CYP4F11: variants seen among roughly 807,000 people sequenced by gnomAD.
CYP4F11 encodes cytochrome P450 family 4 subfamily F member 11.
A neutral mutation model predicts 62.2 loss-of-function variants in CYP4F11; 79 were observed. The observed-to-expected ratio is 1.27, with a 90% CI of 1.06 to 1.53. The LOEUF (loss-of-function observed/expected upper bound fraction) is 1.53, where lower values mean the gene tolerates loss of function less well. CYP4F11 is among the 40% of genes most tolerant of loss of function. The probability of loss-of-function intolerance (pLI) is 0.00; values close to 1 mark genes in which losing one functional copy is unlikely to be tolerated. For missense variants in CYP4F11, 777 were observed against 680.5 expected (o/e 1.14, Z -1.58); for synonymous variants, 290 against 263.7 (o/e 1.10, Z -0.97).
chr19:15,914,408 G>C (rs2089565391), intron 10 of CYP4F11, 21 bp from the exon 11 acceptor site: 4 of 1,610,276 alleles, frequency 2.5e-6, no homozygotes, highest in Non-Finnish European at 3.4e-6. Flanking sequence ...GACCAAGAAG[G>C]CTTGCTGGGT....
intron 10 of CYP4F11, 44 bp downstream of exon 10, chr19:15,914,558 C>G: frequency 6.2e-7 from 1 of 1,609,764 alleles, no homozygotes; most frequent in Non-Finnish European, 8.5e-7. Context: ...CCTCTAGGAA[C>G]CTTGGAATGG....
In CYP4F11 at chr19:15,912,790, A is replaced by AGTGTGTGTG. The variant is rs775427798; in HGVS notation, c.*941_*942insCACACACAC. 5.3e-4 allele frequency: 23 copies of AGTGTGTGTG among 43,404 alleles called. 1 individual carries two copies. Among genetic ancestry groups the AGTGTGTGTG allele is most frequent in the African/African-American group, 9.4e-4 (7 of 7,462 alleles). The allele number at this position is 43,404 out of a possible 1,614,324, so 2.7% of individuals were successfully genotyped here. A position where few individuals can be genotyped will look rare whatever the true frequency, so the allele number is the denominator to read the frequency against. ...GTGTGTGTATATATATATATATATA[A>AGTGTGTGTG]TATATATATATATATACATATCTTA... On this transcript the variant is annotated 3_prime_UTR_variant, in exon 12 of 12. Transcript: ENST00000402119.
At chr19:15,919,488 A>ATAGATAGATAGATAGG (rs1219962707) in intron 8 of CYP4F11, among the ~76,000 whole-genome samples, 1 of 110,532 alleles carries the variant, frequency 9.0e-6, no homozygotes, top group African/African-American at 3.2e-5. Flanking sequence ...AGATAGATAG[A>ATAGATAGATAGATAGG]TAGATAGATA....
chr19:15,925,127 C>A (rs2089659122), intron 4 of CYP4F11, among the ~76,000 whole-genome samples: 1 of 152,176 alleles, frequency 6.6e-6, no homozygotes, highest in South Asian at 2.1e-4. Flanking sequence ...TCTGTGTGCT[C>A]TTGGTCAACC....
At chr19:15,921,050 T>TTCTC (rs2089622954) in intron 8 of CYP4F11, among the ~76,000 whole-genome samples, 1 of 38,114 alleles carries the variant, frequency 2.6e-5, no homozygotes, top group African/African-American at 1.2e-4. Flanking sequence ...CTCTCTCTCT[T>TTCTC]TCTGTCTCTC....
At chr19:15,931,543 G>A (rs11491238) in intron 1 of CYP4F11, among the ~76,000 whole-genome samples, 43,823 of 68,088 alleles carry the variant, frequency 0.64, 12,867 homozygotes, top group East Asian at 0.75. Flanking sequence ...TGAGTGAGCG[G>A]GGAGAGGAAT....
chr19:15,914,464 C>A, intron 10 of CYP4F11, 77 bp from the exon 11 acceptor site: 1 of 1,554,720 alleles, frequency 6.4e-7, no homozygotes, highest in Non-Finnish European at 8.8e-7. Flanking sequence ...TCCAAGACCC[C>A]CGGCCTTGGA....
intron 1 of CYP4F11, among the ~76,000 whole-genome samples, chr19:15,930,458 G>A (rs1185796248): frequency 6.6e-6 from 1 of 152,148 alleles, no homozygotes; most frequent in East Asian, 1.9e-4. Context: ...CAGGCATGGT[G>A]GCTCACACCT....
intron 8 of CYP4F11, among the ~76,000 whole-genome samples, chr19:15,919,152 G>T (rs1338674677): frequency 6.9e-6 from 1 of 145,630 alleles, no homozygotes; most frequent in African/African-American, 2.5e-5. Flanking sequence ...AATATATATA[G>T]TATATATGGA....
At chr19:15,919,471 T>TATAG (rs3056072) in intron 8 of CYP4F11, among the ~76,000 whole-genome samples, 19,037 of 136,452 alleles carry the variant, frequency 0.14, 1,343 homozygotes, top group East Asian at 0.18. Context: ...TGGACAGATG[T>TATAG]ATAGATAGAT....
chr19:15,914,824 G>C lies in CYP4F11; in HGVS notation c.1187C>G (p.Pro396Arg). ...CTGCGTGCAACATCGGGAGATGACC[G>C]GGACTGGGGGATGCAACCGCAGGCT... The part of the protein sequence containing the change: ...KESLRLHPPV[P>R]VISRCCTQDF... Residue 396 changes from proline to arginine, a missense_variant, in exon 9 of 12, where the codon CCG (proline) becomes CGG (arginine). By Grantham distance (103) the Pro-to-Arg change is moderately radical. Transcript: ENST00000402119. 1 of 1,614,152 alleles carries C rather than the reference G, an allele frequency of 6.2e-7. No individual in the cohort carries two copies. Among genetic ancestry groups the C allele is most frequent in the Non-Finnish European group, 8.5e-7 (1 of 1,180,034 alleles).
Sources: allele counts gnomAD v4.1 joint callset (sites outside exome capture counted in the v4.1 genomes callset), GRCh38; gene constraint gnomAD v4.1.1; transcripts MANE v1.5; gene names NCBI Gene and HGNC (gene_info 2026-07-23, HGNC 2026-07-21).